The following SLC25A26 variants were observed in gnomAD, a reference collection of about 807,000 sequenced individuals.
SLC25A26 encodes the protein mitochondrial S-adenosylmethionine carrier protein.
A neutral mutation model predicts 37.8 loss-of-function variants in SLC25A26; 36 were observed. The ratio of observed to expected loss-of-function variants is 0.95; its 90% CI spans 0.73 to 1.26. The LOEUF is 1.26. SLC25A26 is among the 50% of genes most tolerant of loss of function. The probability of loss-of-function intolerance (pLI) is 0.00; values close to 1 mark genes in which losing one functional copy is unlikely to be tolerated. For missense variants in SLC25A26, 390 were observed against 331.1 expected (o/e 1.18, Z -1.38); for synonymous variants, 129 against 122.5 (o/e 1.05, Z -0.35).
At chr3:66,377,607 T>C (rs990997731) in intron 9 of SLC25A26, 83 bp from the exon 10 acceptor site, 4 of 1,079,578 alleles carry the variant, frequency 3.7e-6, no homozygotes, top group East Asian at 4.7e-5. Context: ...GCATGGTGTA[T>C]TGAGCTGAGC....
At chr3:66,227,644 A>G (rs1357537844) in intron 1 of SLC25A26, among the ~76,000 whole-genome samples, 5 of 152,210 alleles carry the variant, frequency 3.3e-5, no homozygotes, top group Non-Finnish European at 7.3e-5. Flanking sequence ...TGTAGGTACC[A>G]TGCAAAGTGA....
At chr3:66,180,512 CT>C (rs1167262562) in intron 1 of SLC25A26, among the ~76,000 whole-genome samples, 1 of 152,182 alleles carries the variant, frequency 6.6e-6, no homozygotes, top group Non-Finnish European at 1.5e-5. Context: ...CTTTCCACTT[CT>C]TCAGAATGCT....
intron 5 of SLC25A26, among the ~76,000 whole-genome samples, chr3:66,277,140 A>C (rs1196827195): frequency 6.6e-6 from 1 of 152,114 alleles, no homozygotes; most frequent in Non-Finnish European, 1.5e-5. Flanking sequence ...ACACACAAAA[A>C]AGATTACTAA....
intron 1 of SLC25A26, among the ~76,000 whole-genome samples, chr3:66,147,770 T>G (rs147402644): frequency 6.6e-6 from 1 of 152,190 alleles, no homozygotes; most frequent in Non-Finnish European, 1.5e-5. Flanking sequence ...GACTTTTTCT[T>G]TTTTTTGAGA....
chr3:66,352,421 G>GTTTTTTTTTTTTTTTT (rs1379958045), intron 6 of SLC25A26, among the ~76,000 whole-genome samples: 1 of 126,558 alleles, frequency 7.9e-6, no homozygotes, highest in African/African-American at 3.7e-5. Flanking sequence ...GCCTCCCCTC[G>GTTTTTTTTTTTTTTTT]TTTTTTGTTT....
chr3:66,219,089 G>A (rs971062400), upstream of SLC25A26, among the ~76,000 whole-genome samples: 497 of 152,316 alleles, frequency 3.3e-3, 25 homozygotes, highest in East Asian at 0.083. Flanking sequence ...GGAGGTGGGC[G>A]CTACTGTAAT....
In SLC25A26 at chr3:66,221,093, C is replaced by A; in HGVS notation, c.-2C>A. On this transcript the variant is annotated 5_prime_UTR_variant, in exon 1 of 10. Coordinates refer to ENST00000354883, the MANE Select transcript of SLC25A26 (RefSeq NM_001379210.1). ...TGTAGCCTTGACGAGGTCTGAGCGACCATGGACCGGCCGGGGTTCGTGGCA... is the reference window on the plus strand; with the variant it reads ...TGTAGCCTTGACGAGGTCTGAGCGAACATGGACCGGCCGGGGTTCGTGGCA... 1.3e-6 allele frequency: 2 copies of A among 1,534,100 alleles called. No individual in the cohort carries two copies. Among genetic ancestry groups the A allele is most frequent in the Non-Finnish European group, 1.7e-6 (2 of 1,145,402 alleles).
At chr3:66,245,227 G>T (rs1179520892) in intron 3 of SLC25A26, among the ~76,000 whole-genome samples, 1 of 132,406 alleles carries the variant, frequency 7.6e-6, no homozygotes, top group African/African-American at 2.8e-5. Flanking sequence ...ATTTTAAACC[G>T]AAATCGTAAA....
At chr3:66,338,370 C>A (rs1031016862) in intron 5 of SLC25A26, among the ~76,000 whole-genome samples, 1 of 151,954 alleles carries the variant, frequency 6.6e-6, no homozygotes, top group African/African-American at 2.4e-5. Context: ...TTTCAAAAAA[C>A]CACCTTTCAA....
chr3:66,278,132 T>C (rs569140613), intron 5 of SLC25A26, among the ~76,000 whole-genome samples: 48 of 152,266 alleles, frequency 3.2e-4, no homozygotes, highest in African/African-American at 1.1e-3. Flanking sequence ...GTAGTTAATT[T>C]ATTAACATTA....
intron 1 of SLC25A26, among the ~76,000 whole-genome samples, chr3:66,146,147 C>A (rs1360169214): frequency 6.6e-6 from 1 of 151,950 alleles, no homozygotes; most frequent in Non-Finnish European, 1.5e-5. Flanking sequence ...CAAGACCAGC[C>A]TGGCCAAAAT....
chr3:66,157,082 A>G (rs2070294024), intron 1 of SLC25A26, among the ~76,000 whole-genome samples: 1 of 152,002 alleles, frequency 6.6e-6, no homozygotes, highest in African/African-American at 2.4e-5. Context: ...AAAATAAATA[A>G]AAATTAGCCA....
chr3:66,346,846 TC>T (rs1375003116), intron 6 of SLC25A26, among the ~76,000 whole-genome samples: 5 of 151,308 alleles, frequency 3.3e-5, no homozygotes, highest in African/African-American at 1.2e-4. Context: ...AAGGACCAGC[TC>T]CCCTAGCACC....
At chr3:66,340,146 G>A (rs752217406) in intron 5 of SLC25A26, among the ~76,000 whole-genome samples, 1 of 151,952 alleles carries the variant, frequency 6.6e-6, no homozygotes, top group Non-Finnish European at 1.5e-5. Context: ...CACCCTTTTC[G>A]AAGATTGTTT....
chr3:66,286,038 T>C (rs1305339411), intron 5 of SLC25A26, among the ~76,000 whole-genome samples: 3 of 152,218 alleles, frequency 2.0e-5, no homozygotes, highest in Non-Finnish European at 4.4e-5. Context: ...TGTTCAGTCT[T>C]TTTCTCATTT....
chr3:66,268,193 A>G (rs564885192), intron 5 of SLC25A26, among the ~76,000 whole-genome samples: 45 of 152,248 alleles, frequency 3.0e-4, no homozygotes, highest in Non-Finnish European at 5.7e-4. Flanking sequence ...GTTGGTGGAC[A>G]TTACAGACAT....
At chr3:66,335,004 TG>T (rs1451418571) in intron 5 of SLC25A26, among the ~76,000 whole-genome samples, 1 of 152,252 alleles carries the variant, frequency 6.6e-6, no homozygotes, top group Admixed American at 6.5e-5. Context: ...CTTAATTGGC[TG>T]ATATAAATGA....
At chr3:66,297,793 T>C (rs527520510) in intron 5 of SLC25A26, among the ~76,000 whole-genome samples, 92 of 152,352 alleles carry the variant, frequency 6.0e-4, no homozygotes, top group Non-Finnish European at 9.0e-4. Context: ...CTATTTATTA[T>C]CTGACTCTTT....
chr3:66,196,178 G>A (rs2071042083), intron 1 of SLC25A26, among the ~76,000 whole-genome samples: 1 of 152,058 alleles, frequency 6.6e-6, no homozygotes, highest in African/African-American at 2.4e-5. Context: ...GGAAAACCCA[G>A]GGGACAGAAA....
Sources: allele counts gnomAD v4.1 joint callset (sites outside exome capture counted in the v4.1 genomes callset), GRCh38; gene constraint gnomAD v4.1.1; transcripts MANE v1.5; gene names NCBI Gene and HGNC (gene_info 2026-07-23, HGNC 2026-07-21).